The following OLA1 variants were observed in gnomAD, a reference collection of about 807,000 sequenced individuals.
The protein encoded by OLA1 is obg-like ATPase 1.
OLA1 carries 14 observed loss-of-function variants against 48.4 expected under a neutral mutation model. That is an observed-to-expected ratio of 0.29 (90% confidence interval 0.19 to 0.45). OLA1 has a LOEUF of 0.45. Ranked by LOEUF, OLA1 falls within the 20% of genes least tolerant of loss-of-function variation. The pLI is 1.00. For missense variants in OLA1, 325 were observed against 467.1 expected (o/e 0.70, Z 2.80); for synonymous variants, 127 against 150.4 (o/e 0.84, Z 1.14).
At chr2:174,229,779 T>C (rs1688688851) in intron 2 of OLA1, among the ~76,000 whole-genome samples, 1 of 152,248 alleles carries the variant, frequency 6.6e-6, no homozygotes, top group African/African-American at 2.4e-5. Context: ...TACCTGATCG[T>C]ACCAGCATCA....
chr2:174,103,587 A>C (rs1685446927), intron 7 of OLA1, among the ~76,000 whole-genome samples: 1 of 152,188 alleles, frequency 6.6e-6, no homozygotes, highest in Non-Finnish European at 1.5e-5. Flanking sequence ...AAATCATCCA[A>C]ATAGTTTATT....
intron 4 of OLA1, among the ~76,000 whole-genome samples, chr2:174,145,289 T>C (rs987154205): frequency 6.6e-6 from 1 of 152,134 alleles, no homozygotes; most frequent in African/African-American, 2.4e-5. Flanking sequence ...TTTCAAGCTA[T>C]TCAATTCACC....
chr2:174,192,889 T>G (rs990129068), intron 4 of OLA1, among the ~76,000 whole-genome samples: 3 of 152,172 alleles, frequency 2.0e-5, no homozygotes, highest in Non-Finnish European at 4.4e-5. Context: ...TACATAATGT[T>G]ACCTTTTTCT....
rs1688672463 is a variant in OLA1, at chr2:174,229,017, C to T, written c.245+291G>A. On this transcript the variant is annotated intron_variant, in intron 3 of 10. Coordinates refer to ENST00000284719, the MANE Select transcript of OLA1 (RefSeq NM_013341.5). ...TCAGCCTCCCAAGTAGCTGGGATTA[C>T]AGGCACCTGCCACCACACCCAGCTA... 2.0e-5 allele frequency among the ~76,000 whole-genome samples: 3 copies of T among 152,176 alleles called. No homozygotes were observed. The South Asian group carries it at 6.2e-4, about 31-fold the overall frequency.
At chr2:174,100,068 G>GT (rs1685355889) in intron 7 of OLA1, among the ~76,000 whole-genome samples, 1 of 152,180 alleles carries the variant, frequency 6.6e-6, no homozygotes, top group South Asian at 2.1e-4. Flanking sequence ...AGTGTTTAAT[G>GT]TATCTTATTT....
intron 4 of OLA1, among the ~76,000 whole-genome samples, chr2:174,154,051 A>T (rs563518132): frequency 1.3e-5 from 2 of 152,168 alleles, no homozygotes; most frequent in Non-Finnish European, 2.9e-5. Flanking sequence ...GTTTGTTTTC[A>T]GTAGACATGA....
At chr2:174,184,671 A>C (rs1038923118) in intron 4 of OLA1, among the ~76,000 whole-genome samples, 5 of 152,216 alleles carry the variant, frequency 3.3e-5, no homozygotes, top group Admixed American at 3.3e-4. Flanking sequence ...AATGTACCAT[A>C]GTAAAATGAT....
chr2:174,102,740 C>A (rs1403221011), intron 7 of OLA1, among the ~76,000 whole-genome samples: 1 of 152,056 alleles, frequency 6.6e-6, no homozygotes, highest in Non-Finnish European at 1.5e-5. Context: ...TTACATATGC[C>A]ATTTCATTTA....
At chr2:174,153,784 C>T (rs770182581) in intron 4 of OLA1, among the ~76,000 whole-genome samples, 3 of 152,176 alleles carry the variant, frequency 2.0e-5, no homozygotes, top group Non-Finnish European at 2.9e-5. Context: ...AACTAGCATT[C>T]GGCTTTCAAC....
At chr2:174,125,140 A>G (rs1418133818) in intron 5 of OLA1, among the ~76,000 whole-genome samples, 2 of 152,220 alleles carry the variant, frequency 1.3e-5, no homozygotes, top group Admixed American at 6.5e-5. Context: ...CCTTGCTATT[A>G]ACTGTTCTTT....
chr2:174,084,776 A>G (rs144789143), intron 7 of OLA1, among the ~76,000 whole-genome samples: 90 of 152,354 alleles, frequency 5.9e-4, no homozygotes, highest in Non-Finnish European at 9.7e-4. Context: ...GCTCAGTACC[A>G]CTACTAGAAA....
intron 2 of OLA1, among the ~76,000 whole-genome samples, chr2:174,231,528 A>G (rs534611474): frequency 6.6e-6 from 1 of 152,330 alleles, no homozygotes; most frequent in African/African-American, 2.4e-5. Flanking sequence ...AGTATTTTAT[A>G]TCGTCTACCT....
At chr2:174,203,087 C>T (rs1006145401) in intron 4 of OLA1, among the ~76,000 whole-genome samples, 5 of 152,064 alleles carry the variant, frequency 3.3e-5, no homozygotes, top group South Asian at 4.2e-4. Flanking sequence ...AAAATATTAT[C>T]GAACATGTCA....
At chr2:174,159,384 T>C (rs2105395085) in intron 4 of OLA1, among the ~76,000 whole-genome samples, 1 of 152,272 alleles carries the variant, frequency 6.6e-6, no homozygotes, top group East Asian at 1.9e-4. Context: ...ATAATAAGTT[T>C]TAGTGTACTT....
chr2:174,153,795 A>G (rs1275570174), intron 4 of OLA1, among the ~76,000 whole-genome samples: 1 of 152,192 alleles, frequency 6.6e-6, no homozygotes, highest in Non-Finnish European at 1.5e-5. Flanking sequence ...GGCTTTCAAC[A>G]AGATTTTTCA....
intron 4 of OLA1, among the ~76,000 whole-genome samples, chr2:174,207,774 CAG>C (rs3045258): frequency 0.52 from 78,853 of 151,776 alleles, 21,020 homozygotes; most frequent in East Asian, 0.94. Context: ...TAAAATCAAA[CAG>C]AAATTAAATT....
chr2:174,154,257 G>A (rs775224148), intron 4 of OLA1, among the ~76,000 whole-genome samples: 5 of 152,086 alleles, frequency 3.3e-5, no homozygotes, highest in Admixed American at 1.3e-4. Flanking sequence ...CTTTGCAATA[G>A]CCATCTCGCT....
chr2:174,191,328 A>G (rs547262768), intron 4 of OLA1, among the ~76,000 whole-genome samples: 11 of 152,338 alleles, frequency 7.2e-5, no homozygotes, highest in African/African-American at 2.4e-4. Flanking sequence ...TATGTTTACA[A>G]TAACACTTTC....
chr2:174,235,911 G>C (rs1046057792), intron 2 of OLA1, among the ~76,000 whole-genome samples: 1 of 152,176 alleles, frequency 6.6e-6, no homozygotes, highest in Admixed American at 6.5e-5. Context: ...ATGAGCCACA[G>C]TGGAGAGATC....
Sources: allele counts gnomAD v4.1 joint callset (sites outside exome capture counted in the v4.1 genomes callset), GRCh38; gene constraint gnomAD v4.1.1; transcripts MANE v1.5; gene names NCBI Gene and HGNC (gene_info 2026-07-23, HGNC 2026-07-21).